The following PKIG variants were observed in gnomAD, a reference collection of about 807,000 sequenced individuals.
The protein encoded by PKIG is cAMP-dependent protein kinase inhibitor gamma.
In PKIG, 1 loss-of-function variant was observed where a neutral mutation model predicts 6.8. The observed-to-expected ratio is 0.15, with a 90% CI of 0.05 to 0.69. The LOEUF (loss-of-function observed/expected upper bound fraction) is 0.69. Among genes scored for constraint, PKIG ranks in the 30% least tolerant of loss-of-function variants. The probability of loss-of-function intolerance (pLI) is 0.82; values close to 1 mark genes in which losing one functional copy is unlikely to be tolerated. For missense variants in PKIG, 77 were observed against 104.0 expected, an observed-to-expected ratio of 0.74 and a Z score of 1.13; for synonymous variants, 39 against 43.0, an observed-to-expected ratio of 0.91 and a Z score of 0.36.
intron 2 of PKIG, among the ~76,000 whole-genome samples, chr20:44,607,333 TTGTG>T (rs1224072036): frequency 6.9e-6 from 1 of 144,396 alleles, no homozygotes; most frequent in South Asian, 2.2e-4. Context: ...GTGTGTGTGT[TTGTG>T]TGTGTATATG....
intron 2 of PKIG, among the ~76,000 whole-genome samples, chr20:44,593,648 C>G (rs1040482474): frequency 2.6e-5 from 4 of 152,052 alleles, no homozygotes; most frequent in Non-Finnish European, 5.9e-5. Context: ...TACAAACTTG[C>G]AGTTATAAGA....
In PKIG at chr20:44,607,363, A is replaced by G. The variant is rs57658676; in HGVS notation, c.-23-7171A>G. Among the ~76,000 whole-genome samples the G allele has an allele frequency of 6.5e-3, 782 of 121,238 alleles. 10 individuals carry two copies. In the East Asian group the frequency reaches 0.074, roughly 11 times the overall value. 79.5% of individuals were successfully genotyped at this position (121,238 alleles called of 152,430 possible). On this transcript the variant is annotated intron_variant, in intron 2 of 3. Coordinates refer to ENST00000372886, the MANE Select transcript of PKIG (RefSeq NM_001281445.2). ...TGTGTATATGTGTGTGTGTGTGTAT[A>G]TATATATATATATATTTTTTTTTTT...
intron 1 of PKIG, among the ~76,000 whole-genome samples, chr20:44,549,298 A>G (rs1027570597): frequency 1.3e-5 from 2 of 152,202 alleles, no homozygotes; most frequent in South Asian, 4.1e-4. Flanking sequence ...TTATCTCAAA[A>G]TGAGCAATAT....
At chr20:44,611,741 G>A (rs2065221162) in intron 2 of PKIG, among the ~76,000 whole-genome samples, 2 of 148,858 alleles carry the variant, frequency 1.3e-5, no homozygotes, top group African/African-American at 2.5e-5. Context: ...GGATGGTCTC[G>A]ATCTCCTGAC....
chr20:44,577,758 G>T (rs1171532800), upstream of PKIG, among the ~76,000 whole-genome samples: 2 of 152,204 alleles, frequency 1.3e-5, no homozygotes, highest in Non-Finnish European at 2.9e-5. Context: ...TACAGCAGCT[G>T]TGTGGACTAG....
At chr20:44,534,715 C>T (rs1222360746) in intron 1 of PKIG, among the ~76,000 whole-genome samples, 1 of 152,114 alleles carries the variant, frequency 6.6e-6, no homozygotes, top group Non-Finnish European at 1.5e-5. Flanking sequence ...GTGATCCACC[C>T]GCATCGGCCT....
At chr20:44,565,661 C>G (rs549936281) in intron 1 of PKIG, among the ~76,000 whole-genome samples, 12 of 152,200 alleles carry the variant, frequency 7.9e-5, no homozygotes, top group Admixed American at 4.6e-4. Flanking sequence ...CATTCATAAT[C>G]TTTATATCCT....
At chr20:44,541,855 AT>A (rs2123149499) in intron 1 of PKIG, among the ~76,000 whole-genome samples, 1 of 151,880 alleles carries the variant, frequency 6.6e-6, no homozygotes, top group East Asian at 1.9e-4. Flanking sequence ...TGCCCGGCTA[AT>A]TTTTGCATTT....
intron 1 of PKIG, among the ~76,000 whole-genome samples, chr20:44,577,109 T>C (rs1452246676): frequency 2.0e-5 from 3 of 151,602 alleles, no homozygotes; most frequent in Non-Finnish European, 4.4e-5. Flanking sequence ...TGTGTGTATG[T>C]GTGTGTGGTT....
chr20:44,613,327 G>A lies in PKIG; in HGVS notation c.-23-1207G>A, dbSNP rs578237093. Among the ~76,000 whole-genome samples, 15 of 152,056 alleles carry A rather than the reference G, an allele frequency of 9.9e-5. No homozygotes were observed. In the South Asian group the frequency reaches 1.5e-3, roughly 15 times the overall value. On this transcript the variant is annotated intron_variant, in intron 2 of 3. Coordinates refer to ENST00000372886, the MANE Select transcript of PKIG (RefSeq NM_001281445.2). ...ACTACAGGCGCCCGCCACCACGCCC[G>A]GCTAATTTTTTTGTATTTTTAGTAG...
intron 2 of PKIG, among the ~76,000 whole-genome samples, chr20:44,607,594 C>T (rs527590786): frequency 6.6e-6 from 1 of 150,470 alleles, no homozygotes; most frequent in African/African-American, 2.4e-5. Flanking sequence ...CCAGGCTAGT[C>T]TTGAACTCCT....
At chr20:44,539,307 A>G (rs1476489999) in intron 1 of PKIG, among the ~76,000 whole-genome samples, 1 of 152,138 alleles carries the variant, frequency 6.6e-6, no homozygotes, top group African/African-American at 2.4e-5. Flanking sequence ...TGCCTGTATT[A>G]GACCTGATTG....
chr20:44,563,638 T>A (rs2064786460), intron 1 of PKIG, among the ~76,000 whole-genome samples: 1 of 152,110 alleles, frequency 6.6e-6, no homozygotes, highest in Non-Finnish European at 1.5e-5. Flanking sequence ...CAAGCGATCC[T>A]CCTACCGCAG....
intron 1 of PKIG, among the ~76,000 whole-genome samples, chr20:44,557,251 C>T (rs1462905415): frequency 1.3e-5 from 2 of 152,022 alleles, no homozygotes; most frequent in African/African-American, 2.4e-5. Context: ...GGGCTGGGCG[C>T]GGTGGCTCAC....
intron 1 of PKIG, among the ~76,000 whole-genome samples, chr20:44,539,127 C>G (rs1261272136): frequency 1.3e-5 from 2 of 152,164 alleles, no homozygotes; most frequent in Admixed American, 1.3e-4. Flanking sequence ...CAGGGTTTCA[C>G]TATTTTGGCC....
At chr20:44,592,600 C>T (rs538527305) in intron 2 of PKIG, among the ~76,000 whole-genome samples, 2 of 152,184 alleles carry the variant, frequency 1.3e-5, no homozygotes, top group South Asian at 2.1e-4. Context: ...GAGGGCAGGC[C>T]GTGCATCCAG....
chr20:44,608,452 C>T (rs1315499873), intron 2 of PKIG, among the ~76,000 whole-genome samples: 1 of 152,278 alleles, frequency 6.6e-6, no homozygotes, highest in African/African-American at 2.4e-5. Flanking sequence ...CCGTTTAGGA[C>T]ATGTGACACA....
intron 1 of PKIG, among the ~76,000 whole-genome samples, chr20:44,544,402 G>A (rs2064591744): frequency 6.6e-6 from 1 of 152,158 alleles, no homozygotes; most frequent in Non-Finnish European, 1.5e-5. Flanking sequence ...AAAGAAGACA[G>A]GTTATTTTTC....
At chr20:44,589,374 TA>T (rs1407200175) in intron 1 of PKIG, among the ~76,000 whole-genome samples, 1 of 152,240 alleles carries the variant, frequency 6.6e-6, no homozygotes, top group East Asian at 1.9e-4. Flanking sequence ...TTTTTTTAAT[TA>T]AAAAATGATA....
Sources: allele counts gnomAD v4.1 joint callset (sites outside exome capture counted in the v4.1 genomes callset), GRCh38; gene constraint gnomAD v4.1.1; transcripts MANE v1.5; gene names NCBI Gene and HGNC (gene_info 2026-07-23, HGNC 2026-07-21).